Variants in IRAK1BP1 observed in about 807,000 individuals in gnomAD.
IRAK1BP1 encodes interleukin 1 receptor associated kinase 1 binding protein 1.
A neutral mutation model predicts 28.0 loss-of-function variants in IRAK1BP1; 24 were observed. The observed-to-expected ratio is 0.86, with a 90% CI of 0.62 to 1.20. The LOEUF is 1.20. Among genes scored for constraint, IRAK1BP1 ranks in the 50% most tolerant of loss-of-function variants. The pLI is 0.00. For synonymous variants in IRAK1BP1, 131 were observed against 116.3 expected (o/e 1.13, Z -0.81); for missense variants, 336 against 316.7 (o/e 1.06, Z -0.46).
chr6:78,966,056 C>T, the IRAK1BP1 span: 1 of 1,601,542 alleles, frequency 6.2e-7, no homozygotes, highest in Non-Finnish European at 8.6e-7. Flanking sequence ...GAAGCGGTCA[C>T]CTGGCCAAGA....
intron 4 of IRAK1BP1, among the ~76,000 whole-genome samples, chr6:78,918,889 C>G (rs1582043892): frequency 6.6e-6 from 1 of 152,154 alleles, no homozygotes; most frequent in Non-Finnish European, 1.5e-5. Context: ...AGTCATCAAC[C>G]ACAGAATATA....
chr6:78,952,085 C>T, the IRAK1BP1 span, among the ~76,000 whole-genome samples: 1 of 151,948 alleles, frequency 6.6e-6, no homozygotes, highest in Admixed American at 6.6e-5. Context: ...TTGTATATCC[C>T]GATCAGGAAT....
the IRAK1BP1 span, among the ~76,000 whole-genome samples, chr6:78,977,200 A>G: frequency 6.6e-6 from 1 of 151,126 alleles, no homozygotes; most frequent in Non-Finnish European, 1.5e-5. Context: ...GCAGCTATAA[A>G]AAATGATGAG....
chr6:78,897,494 T>G (rs933259206), intron 2 of IRAK1BP1, among the ~76,000 whole-genome samples: 12 of 152,158 alleles, frequency 7.9e-5, no homozygotes, highest in African/African-American at 2.9e-4. Flanking sequence ...GCTAAGGGCA[T>G]TGATTAGACA....
intron 4 of IRAK1BP1, among the ~76,000 whole-genome samples, chr6:78,922,100 A>G (rs931250560): frequency 6.6e-6 from 1 of 152,222 alleles, no homozygotes; most frequent in African/African-American, 2.4e-5. Context: ...GTGAGAGAAG[A>G]AGGCTTCAGA....
intron 4 of IRAK1BP1, chr6:78,937,008 T>C (rs1186207140): frequency 2.0e-5 from 3 of 151,814 alleles, no homozygotes; most frequent in South Asian, 4.1e-4. Flanking sequence ...CAATCTGTTA[T>C]GTTAGAAATA....
chr6:78,925,447 A>C (rs1446372037), intron 4 of IRAK1BP1, among the ~76,000 whole-genome samples: 1 of 152,184 alleles, frequency 6.6e-6, no homozygotes. Flanking sequence ...GCTCAACATC[A>C]CCAATCATTA....
At chr6:78,970,951 AT>A in the IRAK1BP1 span, 2 of 1,060,022 alleles carry the variant, frequency 1.9e-6, no homozygotes, top group Non-Finnish European at 2.8e-6. Flanking sequence ...TATACAGGGT[AT>A]CAGCTGAAAT....
chr6:78,943,650 A>G (rs1008716528), intron 4 of IRAK1BP1, among the ~76,000 whole-genome samples: 24 of 152,198 alleles, frequency 1.6e-4, no homozygotes, highest in African/African-American at 5.1e-4. Flanking sequence ...CAACATTATA[A>G]GTACCACCAA....
At chr6:78,936,368 CCT>C (rs780873359) in intron 4 of IRAK1BP1, 6 of 151,798 alleles carry the variant, frequency 4.0e-5, no homozygotes, top group Non-Finnish European at 7.4e-5. Context: ...CAGTAAGACC[CCT>C]GTCTTCTTGC....
At chr6:78,967,922 C>G in the IRAK1BP1 span, among the ~76,000 whole-genome samples, 3 of 151,850 alleles carry the variant, frequency 2.0e-5, no homozygotes, top group African/African-American at 7.3e-5. Context: ...ATCACAAGGT[C>G]AGGAGATCAA....
the IRAK1BP1 span, chr6:78,957,130 T>G: frequency 6.6e-6 from 1 of 152,106 alleles, no homozygotes; most frequent in Admixed American, 6.5e-5. Flanking sequence ...TTCATGAATC[T>G]GACTTCAAAG....
At chr6:78,915,460 A>C (rs1772535112) in intron 4 of IRAK1BP1, among the ~76,000 whole-genome samples, 1 of 152,216 alleles carries the variant, frequency 6.6e-6, no homozygotes, top group Non-Finnish European at 1.5e-5. Flanking sequence ...TATTAGATCA[A>C]GGCCCGAGCA....
the IRAK1BP1 span, among the ~76,000 whole-genome samples, chr6:78,974,504 G>C: frequency 2.0e-5 from 3 of 151,538 alleles, no homozygotes; most frequent in Non-Finnish European, 3.0e-5. Context: ...AAAGCTAGCA[G>C]AAGGCAAGAA....
chr6:78,946,407 C>T, exon 5 of IRAK1BP1: 3 of 1,393,166 alleles, frequency 2.2e-6, no homozygotes, highest in Non-Finnish European at 2.8e-6. Flanking sequence ...GATTGTGAGC[C>T]TTTGAAAGTG....
the IRAK1BP1 span, chr6:78,966,112 C>T: frequency 9.2e-7 from 1 of 1,087,380 alleles, no homozygotes; most frequent in Non-Finnish European, 1.4e-6. Flanking sequence ...GCTGTCACTG[C>T]TTTTTCCTAA....
At position 78,900,751 on chromosome 6, in the gene IRAK1BP1, C is replaced by T. The variant is rs1772066815; in HGVS notation, c.*2417C>T. 6.6e-6 allele frequency: 1 copy of T among 152,188 alleles called. No homozygotes were observed. The highest frequency in any genetic ancestry group is 2.1e-4 in the South Asian group (1 of 4,836). 9.4% of individuals were successfully genotyped at this position (152,188 alleles called of 1,614,324 possible). A position where few individuals can be genotyped will look rare whatever the true frequency, so the allele number is the denominator to read the frequency against. On this transcript the variant is annotated 3_prime_UTR_variant, in exon 4 of 4. Coordinates refer to ENST00000369940, the MANE Select transcript of IRAK1BP1 (RefSeq NM_001010844.4). ...TTACAAATGAAAGAGACTAATAGTA[C>T]TTAACCTTGCAGTGTTATTATAAGG...
intron 4 of IRAK1BP1, chr6:78,940,798 T>C (rs1773462115): frequency 6.2e-7 from 1 of 1,613,938 alleles, no homozygotes; most frequent in Non-Finnish European, 8.5e-7. Flanking sequence ...ACAGCTGCCT[T>C]TGCTCCTCTT....
At position 78,867,722 on chromosome 6, in the gene IRAK1BP1, C is replaced by G; in HGVS notation, c.146C>G (p.Ala49Gly). The change falls in exon 1 of 4, where the codon GCT becomes GGT. Residue 49 changes from alanine (A) to glycine (G), a missense_variant. Physicochemically the swap from Ala to Gly is moderately conservative, Grantham distance 60. Transcript: ENST00000369940. ...HPLSSTQAQTATREVQVSGTS... is the reference protein window; with the variant it reads ...HPLSSTQAQTGTREVQVSGTS... ...CTCTCCTCAACACAAGCCCAAACTG[C>G]TACCCGCGAGGTGCAAGTAAGCGGC... 2 of 1,614,264 alleles carry G rather than the reference C, an allele frequency of 1.2e-6. No homozygotes were observed.
Sources: gnomAD v4.1 joint callset for allele counts (sites outside exome capture counted in the v4.1 genomes callset) on GRCh38, gnomAD v4.1.1 for gene constraint, MANE v1.5 for transcripts, NCBI Gene and HGNC (gene_info 2026-07-23, HGNC 2026-07-21) for gene names.